PATJ: variants seen among roughly 807,000 people sequenced by gnomAD.
PATJ encodes PATJ crumbs cell polarity complex component, also known as inaD-like protein.
PATJ carries 190 observed loss-of-function variants against 224.9 expected under a neutral mutation model. The observed-to-expected ratio is 0.84, with a 90% CI of 0.75 to 0.95. The LOEUF is 0.95. Among genes scored for constraint, PATJ ranks in the 40% least tolerant of loss-of-function variants. PATJ has a pLI of 0.00. For synonymous variants in PATJ, 769 were observed against 820.3 expected, an observed-to-expected ratio of 0.94 and a Z score of 1.07; for missense variants, 2,121 against 2,270.3, an observed-to-expected ratio of 0.93 and a Z score of 1.34.
At chr1:61,783,888 C>T (rs1156630859) in intron 7 of PATJ, among the ~76,000 whole-genome samples, 7 of 151,812 alleles carry the variant, frequency 4.6e-5, no homozygotes, top group South Asian at 2.1e-4. Flanking sequence ...GGATCACAGG[C>T]GCTCACCACC....
At chr1:61,895,740 TC>T (rs1223974816) in intron 22 of PATJ, among the ~76,000 whole-genome samples, 1 of 152,028 alleles carries the variant, frequency 6.6e-6, no homozygotes. Flanking sequence ...CTAAATGGAG[TC>T]CCCATGGGGG....
Position 61,777,724 on chromosome 1 carries a change from T to TTTTTTTTTTTTTTTTTTTTTTTTTC in PATJ, c.849+2393_849+2394insTTTTTTTTTTTTTTTTTTTTTCTTT, listed in dbSNP as rs765662896. On this transcript the variant is annotated intron_variant, in intron 7 of 43. Coordinates refer to ENST00000642238, the MANE Select transcript of PATJ (RefSeq NM_001350145.3). Reference sequence around the variant, plus strand: ...CTTTCTTTTTTTTTTTTTTTTTTTTTTTTAGCATAGTCTTGCTCTTTTGCC... The same window carrying TTTTTTTTTTTTTTTTTTTTTTTTTC: ...CTTTCTTTTTTTTTTTTTTTTTTTTTTTTTTTTTTTTTTTTTTTTTTTTTCTTTAGCATAGTCTTGCTCTTTTGCC... Among the ~76,000 whole-genome samples the TTTTTTTTTTTTTTTTTTTTTTTTTC allele has an allele frequency of 1.6e-4, 17 of 106,038 alleles. 1 individual carries two copies. Among genetic ancestry groups the TTTTTTTTTTTTTTTTTTTTTTTTTC allele is most frequent in the African/African-American group, 3.7e-4 (10 of 26,694 alleles). The allele number at this position is 106,038 out of a possible 152,430, so 69.6% of individuals were successfully genotyped here.
intron 18 of PATJ, 97 bp from the exon 19 acceptor site, chr1:61,861,454 C>A: frequency 1.6e-6 from 1 of 607,164 alleles, no homozygotes; most frequent in East Asian, 3.2e-5. Context: ...TTTTAAGCCC[C>A]GTGTGCATTA....
rs554718159 is a variant in PATJ at position 61,963,354 on chromosome 1, G to A, written c.3671-26814G>A. On this transcript the variant is annotated intron_variant, in intron 27 of 43. Transcript: ENST00000642238. ...TCACACCTGTAATCCCAGCATTTTGGGAGGCCAAGGCAGGTAGATTGCTTG... is the reference window on the plus strand; with the variant it reads ...TCACACCTGTAATCCCAGCATTTTGAGAGGCCAAGGCAGGTAGATTGCTTG... 5.3e-5 allele frequency among the ~76,000 whole-genome samples: 8 copies of A among 152,002 alleles called. No individual in the cohort carries two copies. In the South Asian group the frequency reaches 1.7e-3, roughly 32 times the overall value.
chr1:61,835,679 C>T (rs1291874619), intron 17 of PATJ, among the ~76,000 whole-genome samples: 1 of 152,106 alleles, frequency 6.6e-6, no homozygotes, highest in Non-Finnish European at 1.5e-5. Context: ...GCTGGGATTG[C>T]AGGCATGAGC....
chr1:61,872,711 C>T (rs1048988382), intron 20 of PATJ, among the ~76,000 whole-genome samples: 2 of 152,184 alleles, frequency 1.3e-5, no homozygotes, highest in African/African-American at 4.8e-5. Flanking sequence ...CCCTTACGCT[C>T]CTGCTTTAAG....
At chr1:62,044,082 A>G (rs568514690) in intron 30 of PATJ, among the ~76,000 whole-genome samples, 73 of 152,274 alleles carry the variant, frequency 4.8e-4, no homozygotes, top group South Asian at 3.7e-3. Context: ...GATAATTAAC[A>G]TATGTATTTC....
At chr1:61,882,205 GA>G (rs1476826822) in intron 21 of PATJ, among the ~76,000 whole-genome samples, 11 of 152,138 alleles carry the variant, frequency 7.2e-5, no homozygotes, top group Non-Finnish European at 7.3e-5. Context: ...AAAAGAAATA[GA>G]GAATGTTTGA....
chr1:61,954,499 C>T (rs1324825779), intron 27 of PATJ, among the ~76,000 whole-genome samples: 2 of 152,056 alleles, frequency 1.3e-5, no homozygotes, highest in East Asian at 1.9e-4. Flanking sequence ...AGGTTAAACA[C>T]TCATCATTTT....
chr1:61,990,403 T>C (rs545785136), intron 28 of PATJ, 39 bp downstream of exon 28: 3 of 1,492,918 alleles, frequency 2.0e-6, no homozygotes, highest in Non-Finnish European at 2.8e-6. Context: ...TTTGGTGAAG[T>C]GGATGGGTGC....
intron 39 of PATJ, among the ~76,000 whole-genome samples, chr1:62,124,119 G>A (rs1299661455): frequency 6.6e-6 from 1 of 151,976 alleles, no homozygotes; most frequent in East Asian, 1.9e-4. Context: ...GAGTCACCGT[G>A]TTGCCCAGGC....
chr1:61,995,608 C>T (rs763508864), intron 28 of PATJ, among the ~76,000 whole-genome samples: 1 of 152,134 alleles, frequency 6.6e-6, no homozygotes, highest in African/African-American at 2.4e-5. Context: ...AAATTCTGTC[C>T]ATCAATGGCT....
At chr1:61,754,518 A>ATTTTTTTTTTT (rs1557582039) in intron 1 of PATJ, among the ~76,000 whole-genome samples, 1 of 108,416 alleles carries the variant, frequency 9.2e-6, no homozygotes, top group Admixed American at 1.2e-4. Flanking sequence ...AATTTTTTGC[A>ATTTTTTTTTTT]TGTTTTTTTT....
At chr1:61,924,238 C>A (rs948074334) in intron 26 of PATJ, among the ~76,000 whole-genome samples, 1 of 151,878 alleles carries the variant, frequency 6.6e-6, no homozygotes, top group African/African-American at 2.4e-5. Context: ...TGTGGTGGTA[C>A]GAGCTTGTAA....
intron 7 of PATJ, among the ~76,000 whole-genome samples, chr1:61,776,810 C>T (rs1415560789): frequency 6.6e-6 from 1 of 151,730 alleles, no homozygotes; most frequent in African/African-American, 2.4e-5. Flanking sequence ...ACTGCAAGCT[C>T]CACCTCCCAG....
At chr1:61,912,419 C>T (rs1672793034) in intron 25 of PATJ, among the ~76,000 whole-genome samples, 1 of 151,756 alleles carries the variant, frequency 6.6e-6, no homozygotes, top group Non-Finnish European at 1.5e-5. Context: ...CATGGTGAAA[C>T]CCTGTCTCTA....
chr1:62,152,455 C>T (rs1418839434), intron 42 of PATJ, among the ~76,000 whole-genome samples: 1 of 151,858 alleles, frequency 6.6e-6, no homozygotes, highest in Non-Finnish European at 1.5e-5. Flanking sequence ...AGTTCGAGAC[C>T]AGCCTGGTCA....
At chr1:61,950,752 G>A (rs1468639581) in intron 27 of PATJ, among the ~76,000 whole-genome samples, 1 of 152,118 alleles carries the variant, frequency 6.6e-6, no homozygotes, top group African/African-American at 2.4e-5. Context: ...TGCAAAATAG[G>A]ATGGAAAAGT....
chr1:61,772,673 C>G (rs752753408), intron 6 of PATJ, among the ~76,000 whole-genome samples: 6 of 152,112 alleles, frequency 3.9e-5, no homozygotes, highest in Non-Finnish European at 5.9e-5. Context: ...GCAGAATTTA[C>G]ATAATAAATA....
Sources: allele counts gnomAD v4.1 joint callset (sites outside exome capture counted in the v4.1 genomes callset), GRCh38; gene constraint gnomAD v4.1.1; transcripts MANE v1.5; gene names NCBI Gene and HGNC (gene_info 2026-07-23, HGNC 2026-07-21).